ZNF697: variants seen among roughly 807,000 people sequenced by gnomAD.
ZNF697 encodes zinc finger protein 697.
In ZNF697, 23 loss-of-function variants were observed where a neutral mutation model predicts 32.4. The observed-to-expected ratio is 0.71, with a 90% CI of 0.51 to 1.01. The LOEUF is 1.01. ZNF697 is among the 50% of genes least tolerant of loss of function. ZNF697 has a pLI of 0.00. For synonymous variants in ZNF697, 418 were observed against 337.2 expected (o/e 1.24, Z -2.62); for missense variants, 930 against 794.0 (o/e 1.17, Z -2.06).
In ZNF697 at chr1:119,633,392, GTA is replaced by G. The variant is rs1491434316; in HGVS notation, c.-37-7257_-37-7256del. Among the ~76,000 whole-genome samples the G allele has an allele frequency of 1.8e-3, 267 of 144,884 alleles. 1 individual carries two copies. Among genetic ancestry groups the G allele is most frequent in the Middle Eastern group, 3.4e-3 (1 of 292 alleles). On this transcript the variant is annotated intron_variant, in intron 1 of 2. Transcript: ENST00000421812. ...TGTGTGTGTGTGTGTGTGTGTGTGT[GTA>G]TAGAGAGAGAGAGAGAGAGAGATTG...
At chr1:119,628,392 A>G (rs925849727) in intron 1 of ZNF697, among the ~76,000 whole-genome samples, 1 of 152,212 alleles carries the variant, frequency 6.6e-6, no homozygotes, top group African/African-American at 2.4e-5. Context: ...GGGAACCGAG[A>G]CATCAGATAT....
At chr1:119,632,273 G>C (rs1463180406) in intron 1 of ZNF697, among the ~76,000 whole-genome samples, 2 of 152,224 alleles carry the variant, frequency 1.3e-5, no homozygotes, top group Non-Finnish European at 2.9e-5. Context: ...CTTCCCCTCA[G>C]CTGGCTTGGC....
rs889061203 is a variant in ZNF697 at position 119,621,497 on chromosome 1, T to C, written c.*1208A>G. ...CATTGTTTGTGCTATTTGGCAATTTTGCATTTACACCTCTCCCTGACTGGG... is the reference window on the plus strand; with the variant it reads ...CATTGTTTGTGCTATTTGGCAATTTCGCATTTACACCTCTCCCTGACTGGG... On this transcript the variant is annotated 3_prime_UTR_variant, in exon 3 of 3. Transcript: ENST00000421812. 6.5e-5 allele frequency: 10 copies of C among 152,706 alleles called. No individual in the cohort carries two copies. Among genetic ancestry groups the C allele is most frequent in the African/African-American group, 4.8e-5 (2 of 41,464 alleles). 9.5% of individuals were successfully genotyped at this position (152,706 alleles called of 1,614,324 possible).
intron 1 of ZNF697, among the ~76,000 whole-genome samples, chr1:119,641,136 T>C (rs1649056989): frequency 6.6e-6 from 1 of 152,072 alleles, no homozygotes; most frequent in African/African-American, 2.4e-5. Context: ...CAAGCACATA[T>C]TAGGAAGTAG....
At chr1:119,627,021 C>G (rs905718902) in intron 1 of ZNF697, among the ~76,000 whole-genome samples, 1 of 152,204 alleles carries the variant, frequency 6.6e-6, no homozygotes, top group Non-Finnish European at 1.5e-5. Context: ...CTTTTGTAGA[C>G]GTCAGGATAA....
At chr1:119,642,557 T>C (rs1203463203) in intron 1 of ZNF697, among the ~76,000 whole-genome samples, 1 of 152,118 alleles carries the variant, frequency 6.6e-6, no homozygotes, top group Non-Finnish European at 1.5e-5. Flanking sequence ...TATATGTACA[T>C]AATGTACATA....
chr1:119,635,205 CAGAACATAATAAA>C (rs1226638155), intron 1 of ZNF697, among the ~76,000 whole-genome samples: 6 of 151,866 alleles, frequency 4.0e-5, no homozygotes. Flanking sequence ...AAGTTTTGGC[CAGAACATAATAAA>C]ATATCAGTGA....
intron 1 of ZNF697, among the ~76,000 whole-genome samples, chr1:119,646,997 T>C (rs1320061108): frequency 7.0e-6 from 1 of 143,316 alleles, no homozygotes; most frequent in Non-Finnish European, 1.5e-5. Context: ...ACATGCCCAC[T>C]ACAAGGACAG....
At chr1:119,644,453 A>AG (rs1349121538) in intron 1 of ZNF697, among the ~76,000 whole-genome samples, 1 of 152,214 alleles carries the variant, frequency 6.6e-6, no homozygotes, top group Non-Finnish European at 1.5e-5. Context: ...TGGGAAGTGG[A>AG]GGACTTCAGG....
chr1:119,627,763 T>G lies in ZNF697; in HGVS notation c.-37-1626A>C, dbSNP rs587657658. 2.0e-5 allele frequency among the ~76,000 whole-genome samples: 3 copies of G among 152,272 alleles called. No individual in the cohort carries two copies. In the East Asian group the frequency reaches 5.8e-4, roughly 29 times the overall value. On this transcript the variant is annotated intron_variant, in intron 1 of 2. Coordinates refer to ENST00000421812, the MANE Select transcript of ZNF697 (RefSeq NM_001080470.2). Reference sequence around the variant, plus strand: ...CAACAGGTCCTGAAATGCGGTTGAATTCCTTTAGAACGTATACTGTTTAAA... The same window carrying G: ...CAACAGGTCCTGAAATGCGGTTGAAGTCCTTTAGAACGTATACTGTTTAAA...
At chr1:119,634,821 A>G in intron 1 of ZNF697, among the ~76,000 whole-genome samples, 1 of 152,250 alleles carries the variant, frequency 6.6e-6, no homozygotes, top group South Asian at 2.1e-4. Context: ...GAAACAAATT[A>G]TAAGACAACG....
Position 119,626,038 on chromosome 1 carries a change from A to G in ZNF697, c.63T>C (p.Gly21=), listed in dbSNP as rs1230115798. Reference sequence around the variant, plus strand: ...TGTCCTCAGAGTCCTCAAAATCAGAACCCATCCCTTTGTCTTCTGAGTCCT... The same window carrying G: ...TGTCCTCAGAGTCCTCAAAATCAGAGCCCATCCCTTTGTCTTCTGAGTCCT... ...AHQDSEDKGM[G]SDFEDSEDRE... is the part of the protein sequence containing the mutation. The change falls in exon 2 of 3, where the codon GGT becomes GGC. Residue 21 remains glycine, a synonymous_variant. Transcript: ENST00000421812. The G allele has an allele frequency of 1.9e-6, 3 of 1,613,498 alleles. No individual in the cohort carries two copies. Among genetic ancestry groups the G allele is most frequent in the African/African-American group, 1.3e-5 (1 of 74,866 alleles).
intron 1 of ZNF697, among the ~76,000 whole-genome samples, chr1:119,629,791 T>C (rs587611435): frequency 7.9e-5 from 12 of 152,360 alleles, no homozygotes; most frequent in African/African-American, 2.6e-4. Context: ...CTTTGGCAAG[T>C]ACAAACAGCT....
At position 119,623,391 on chromosome 1, in the gene ZNF697, G is replaced by A; in HGVS notation, c.952C>T (p.Pro318Ser). Residue 318 changes from proline (P) to serine (S), a missense_variant, in exon 3 of 3, where the codon CCG becomes TCG. Coordinates refer to ENST00000421812, the MANE Select transcript of ZNF697 (RefSeq NM_001080470.2). The stretch of plus-strand genomic sequence containing the variant: ...AAGGCCTCGCCGCACTCGGGGCACG[G>A]GTAGGGCTTCTCGCCCGTGTGCAGG... ...RRLHTGEKPYPCPECGEAFSL... is the reference protein window; with the variant it reads ...RRLHTGEKPYSCPECGEAFSL... 6.7e-7 allele frequency: 1 copy of A among 1,496,514 alleles called. No homozygotes were observed. Among genetic ancestry groups the A allele is most frequent in the Non-Finnish European group, 8.9e-7 (1 of 1,125,494 alleles). The allele number at this position is 1,496,514 out of a possible 1,614,324, so 92.7% of individuals were successfully genotyped here. A position where few individuals can be genotyped will look rare whatever the true frequency, so the allele number is the denominator to read the frequency against.
Position 119,622,761 on chromosome 1 carries a change from T to G in ZNF697, c.1582A>C (p.Lys528Gln). The change falls in exon 3 of 3, where the codon AAA becomes CAA. Residue 528 changes from lysine to glutamine, a missense_variant. Transcript: ENST00000421812. Reference sequence around the variant, plus strand: ...AGGTGCGTTTTATAGCGGAAGCCTTTGCCGCAGCCCGCACACTTGTGCGGC... The same window carrying G: ...AGGTGCGTTTTATAGCGGAAGCCTTGGCCGCAGCCCGCACACTTGTGCGGC... ...NKPHKCAGCG[K>Q]GFRYKTHLAQ... 3 of 1,582,398 alleles carry G rather than the reference T, an allele frequency of 1.9e-6. No individual in the cohort carries two copies. The highest frequency in any genetic ancestry group is 2.6e-6 in the Non-Finnish European group (3 of 1,164,166).
At position 119,626,149 on chromosome 1, in the gene ZNF697, A is replaced by G. The variant is rs1468706292; in HGVS notation, c.-37-12T>C. The G allele has an allele frequency of 6.2e-7, 1 of 1,610,008 alleles. No homozygotes were observed. The highest frequency in any genetic ancestry group is 2.2e-5 in the East Asian group (1 of 44,848). ...GTGACCAGGAATCCCTGCTCCAGAAAAACACAAAGAAAGGTCACGTCAGTC... is the reference window on the plus strand; with the variant it reads ...GTGACCAGGAATCCCTGCTCCAGAAGAACACAAAGAAAGGTCACGTCAGTC... On this transcript the variant is annotated splice_polypyrimidine_tract_variant and intron_variant, in intron 1 of 2. Transcript: ENST00000421812.
chr1:119,636,324 T>C (rs1226432511), intron 1 of ZNF697, among the ~76,000 whole-genome samples: 2 of 152,230 alleles, frequency 1.3e-5, no homozygotes, highest in Admixed American at 6.5e-5. Context: ...TAGCTTTTTC[T>C]TGGACTCTGA....
intron 1 of ZNF697, among the ~76,000 whole-genome samples, chr1:119,626,457 C>CTTGAAACTCAAGTTT (rs1648594251): frequency 1.3e-5 from 2 of 152,152 alleles, no homozygotes; most frequent in Admixed American, 6.5e-5. Context: ...ATTTTTACAG[C>CTTGAAACTCAAGTTT]TGAGAAAACT....
chr1:119,628,859 A>G (rs749545673), intron 1 of ZNF697, among the ~76,000 whole-genome samples: 2 of 152,222 alleles, frequency 1.3e-5, no homozygotes, highest in African/African-American at 4.8e-5. Context: ...ACTTTGGCTT[A>G]TATGCATACT....
Sources: gnomAD v4.1 joint callset for allele counts (sites outside exome capture counted in the v4.1 genomes callset) on GRCh38, gnomAD v4.1.1 for gene constraint, MANE v1.5 for transcripts, NCBI Gene and HGNC (gene_info 2026-07-23, HGNC 2026-07-21) for gene names.